PDE4D: variants seen among roughly 807,000 people sequenced by gnomAD.
PDE4D encodes the protein 3',5'-cyclic-AMP phosphodiesterase 4D.
PDE4D carries 24 observed loss-of-function variants against 87.4 expected under a neutral mutation model. That is an observed-to-expected ratio of 0.27 (90% confidence interval 0.20 to 0.39). The LOEUF (loss-of-function observed/expected upper bound fraction) is 0.39. Ranked by LOEUF, PDE4D falls within the 10% of genes least tolerant of loss-of-function variation. The pLI is 1.00. For synonymous variants in PDE4D, 384 were observed against 383.2 expected (o/e 1.00, Z -0.02); for missense variants, 714 against 1,041.0 (o/e 0.69, Z 4.32).
At chr5:60,003,217 C>T (rs1764165179) in intron 2 of PDE4D, among the ~76,000 whole-genome samples, 1 of 152,022 alleles carries the variant, frequency 6.6e-6, no homozygotes, top group Non-Finnish European at 1.5e-5. Context: ...GATCTCTACA[C>T]TTAAAGACAT....
intron 1 of PDE4D, among the ~76,000 whole-genome samples, chr5:59,409,493 A>T (rs1040860245): frequency 3.3e-5 from 5 of 152,148 alleles, no homozygotes; most frequent in Non-Finnish European, 5.9e-5. Flanking sequence ...TGTCTGGGTC[A>T]TGTGGGCAGA....
intron 5 of PDE4D, chr5:59,039,396 C>T (rs1759204659): frequency 9.9e-7 from 1 of 1,010,104 alleles, no homozygotes; most frequent in Admixed American, 6.0e-5. Flanking sequence ...TGGTCCACAG[C>T]CGGATCTCCT....
intron 1 of PDE4D, among the ~76,000 whole-genome samples, chr5:60,463,713 AG>A (rs1243905790): frequency 3.9e-5 from 6 of 152,088 alleles, no homozygotes; most frequent in Non-Finnish European, 8.8e-5. Context: ...TCCTACTTTG[AG>A]GTCTTCCCAG....
intron 1 of PDE4D, among the ~76,000 whole-genome samples, chr5:60,276,521 C>CT (rs112404952): frequency 0.063 from 9,582 of 152,206 alleles, 1,011 homozygotes; most frequent in African/African-American, 0.22. Context: ...AGCAGCCATA[C>CT]TTTAGCATTC....
intron 1 of PDE4D, among the ~76,000 whole-genome samples, chr5:59,887,278 T>C (rs1446588832): frequency 6.6e-6 from 1 of 152,088 alleles, no homozygotes; most frequent in African/African-American, 2.4e-5. Flanking sequence ...GTGGTATGTG[T>C]GAATATAGGG....
intron 1 of PDE4D, among the ~76,000 whole-genome samples, chr5:60,279,480 C>A (rs750843551): frequency 9.9e-5 from 15 of 152,096 alleles, no homozygotes; most frequent in Admixed American, 5.2e-4. Flanking sequence ...AAAACCTAAG[C>A]TCCCGACATG....
At chr5:59,877,653 C>CA (rs908863261) in intron 1 of PDE4D, among the ~76,000 whole-genome samples, 3 of 151,442 alleles carry the variant, frequency 2.0e-5, no homozygotes, top group Non-Finnish European at 4.4e-5. Context: ...TTCATCTCCA[C>CA]AAAAAAATAC....
intron 2 of PDE4D, among the ~76,000 whole-genome samples, chr5:60,075,771 G>A (rs34010658): frequency 0.14 from 21,223 of 151,964 alleles, 1,535 homozygotes; most frequent in Middle Eastern, 0.22. Flanking sequence ...TTCAAGCTCT[G>A]AGATTCTTTC....
chr5:59,120,092 C>T lies in PDE4D; in HGVS notation c.808+60503G>A, dbSNP rs538948671. Among the ~76,000 whole-genome samples, 10 of 152,212 alleles carry T rather than the reference C, an allele frequency of 6.6e-5. No homozygotes were observed. The East Asian group carries it at 7.7e-4, about 12-fold the overall frequency. ...AAGTGATCCTCCTACATCGGCCTCC[C>T]GAAGCACCAGGATTACAGGTGTGAG... On this transcript the variant is annotated intron_variant, in intron 5 of 14. Coordinates refer to ENST00000340635, the MANE Select transcript of PDE4D (RefSeq NM_001104631.2).
chr5:59,545,480 T>C (rs886458729), intron 1 of PDE4D, among the ~76,000 whole-genome samples: 2 of 152,218 alleles, frequency 1.3e-5, no homozygotes, highest in Non-Finnish European at 2.9e-5. Flanking sequence ...ACAGAATTCA[T>C]GAATCCAAAT....
intron 1 of PDE4D, among the ~76,000 whole-genome samples, chr5:59,265,577 G>T (rs986445525): frequency 1.3e-5 from 2 of 152,094 alleles, no homozygotes; most frequent in Non-Finnish European, 2.9e-5. Context: ...TAAGCTAACA[G>T]TTCCTGGTCA....
At chr5:59,695,372 A>G (rs1408418519) in intron 1 of PDE4D, among the ~76,000 whole-genome samples, 1 of 151,984 alleles carries the variant, frequency 6.6e-6, no homozygotes, top group African/African-American at 2.4e-5. Context: ...TTGCCATAAT[A>G]TTATACCAAA....
intron 3 of PDE4D, among the ~76,000 whole-genome samples, chr5:59,899,489 T>A (rs1274056230): frequency 6.6e-6 from 1 of 151,732 alleles, no homozygotes; most frequent in East Asian, 1.9e-4. Flanking sequence ...GGTAAATATA[T>A]ATATATATGC....
At chr5:59,016,375 G>C (rs1014412661) in intron 6 of PDE4D, among the ~76,000 whole-genome samples, 27 of 132,188 alleles carry the variant, frequency 2.0e-4, no homozygotes, top group African/African-American at 7.3e-4. Context: ...CTGAGCCCTA[G>C]ATTATCAGTC....
intron 1 of PDE4D, among the ~76,000 whole-genome samples, chr5:60,360,472 TCACA>T (rs1207930329): frequency 6.6e-6 from 1 of 152,210 alleles, no homozygotes; most frequent in African/African-American, 2.4e-5. Flanking sequence ...ATCTGCCTTT[TCACA>T]CAGCAATGGC....
chr5:60,490,443 A>G (rs1321498755), upstream of PDE4D: 1 of 152,212 alleles, frequency 6.6e-6, no homozygotes, highest in African/African-American at 2.4e-5. Flanking sequence ...TGTGCAAAAC[A>G]AAGCAATGGA....
In PDE4D at chr5:59,612,014, A is replaced by G. The variant is rs573077479; in HGVS notation, c.455+281154T>C. Among the ~76,000 whole-genome samples the G allele has an allele frequency of 4.6e-5, 7 of 152,282 alleles. No individual in the cohort carries two copies. In the East Asian group the frequency reaches 1.2e-3, roughly 25 times the overall value. ...ATCAATGCCCCTGAGGTCAGAAACT[A>G]TGATTTTGTCTCTCCTGAACAGCAC... On this transcript the variant is annotated intron_variant, in intron 1 of 14. Transcript: ENST00000340635.
intron 1 of PDE4D, among the ~76,000 whole-genome samples, chr5:59,279,385 G>A (rs1765403870): frequency 6.6e-6 from 1 of 152,028 alleles, no homozygotes; most frequent in Non-Finnish European, 1.5e-5. Flanking sequence ...CTTATCTGGA[G>A]GGGAATTTTG....
chr5:59,181,572 T>TATATATATATATATATA (rs1561646442), intron 4 of PDE4D, among the ~76,000 whole-genome samples: 2 of 109,922 alleles, frequency 1.8e-5, no homozygotes, highest in African/African-American at 4.3e-5. Context: ...ATATATATAT[T>TATATATATATATATATA]AGGTATATAA....
Sources: allele counts gnomAD v4.1 joint callset (sites outside exome capture counted in the v4.1 genomes callset), GRCh38; gene constraint gnomAD v4.1.1; transcripts MANE v1.5; gene names NCBI Gene and HGNC (gene_info 2026-07-23, HGNC 2026-07-21).